BANK1: variants seen among roughly 807,000 people sequenced by gnomAD.
BANK1 encodes the protein B-cell scaffold protein with ankyrin repeats.
In BANK1, 95 loss-of-function variants were observed where a neutral mutation model predicts 94.5. That is an observed-to-expected ratio of 1.00 (90% CI 0.85 to 1.19). The LOEUF (loss-of-function observed/expected upper bound fraction) is 1.19. BANK1 is among the 50% of genes most tolerant of loss of function. BANK1 has a pLI of 0.00. For synonymous variants in BANK1, 334 were observed against 308.4 expected (o/e 1.08, Z -0.87); for missense variants, 987 against 932.2 (o/e 1.06, Z -0.77).
intron 7 of BANK1, among the ~76,000 whole-genome samples, chr4:101,951,850 AC>A: frequency 7.0e-6 from 1 of 143,678 alleles, no homozygotes; most frequent in Non-Finnish European, 1.6e-5. Flanking sequence ...TGTACTCAGA[AC>A]CCATTTAGAT....
At chr4:101,815,328 T>C (rs1227412441) in intron 1 of BANK1, among the ~76,000 whole-genome samples, 1 of 152,150 alleles carries the variant, frequency 6.6e-6, no homozygotes, top group Non-Finnish European at 1.5e-5. Context: ...ATCTTTTATA[T>C]GGATGTAATA....
At chr4:102,027,842 G>A (rs1045817050) in intron 9 of BANK1, among the ~76,000 whole-genome samples, 5 of 152,100 alleles carry the variant, frequency 3.3e-5, no homozygotes, top group Admixed American at 6.5e-5. Context: ...AGTAATTATC[G>A]GATCCCTCCT....
Position 101,862,625 on chromosome 4 carries a change from G to A in BANK1, c.724G>A (p.Ala242Thr), listed in dbSNP as rs1455450988. ...TAATAAGCGCATTAGAACACGGCCA[G>A]CCCTTTGGAATAAGAAAGTCTGGTG... is the stretch of plus-strand genomic sequence containing the variant. Reference protein sequence around the residue: ...SSNKRIRTRPALWNKKVWCMK... With the variant: ...SSNKRIRTRPTLWNKKVWCMK... The change falls in exon 4 of 17, where the codon GCC becomes ACC. Residue 242 changes from alanine (A) to threonine (T), a missense_variant. Coordinates refer to ENST00000322953, the MANE Select transcript of BANK1 (RefSeq NM_017935.5). The A allele has an allele frequency of 6.2e-7, 1 of 1,609,488 alleles. No homozygotes were observed. The highest frequency in any genetic ancestry group is 8.5e-7 in the Non-Finnish European group (1 of 1,178,004).
At chr4:101,805,804 G>A (rs1255146643) in intron 1 of BANK1, among the ~76,000 whole-genome samples, 1 of 151,512 alleles carries the variant, frequency 6.6e-6, no homozygotes, top group Non-Finnish European at 1.5e-5. Flanking sequence ...TTTGGTTTGT[G>A]GAAGAGCTTC....
intron 7 of BANK1, among the ~76,000 whole-genome samples, chr4:101,972,090 A>G (rs1015134819): frequency 5.3e-5 from 8 of 152,180 alleles, no homozygotes; most frequent in African/African-American, 1.9e-4. Context: ...ACATTTTAAC[A>G]ATATTAATTA....
At chr4:101,953,895 T>C (rs556331740) in intron 7 of BANK1, among the ~76,000 whole-genome samples, 1 of 152,168 alleles carries the variant, frequency 6.6e-6, no homozygotes, top group Non-Finnish European at 1.5e-5. Flanking sequence ...ATTTGTTTTC[T>C]AGGGCTGTTG....
chr4:102,023,126 C>T (rs914110177), intron 8 of BANK1, among the ~76,000 whole-genome samples: 3 of 152,024 alleles, frequency 2.0e-5, no homozygotes, highest in African/African-American at 7.2e-5. Context: ...TGATTGTATC[C>T]CCAGTACCTG....
chr4:101,817,662 A>G (rs563338561), intron 1 of BANK1, among the ~76,000 whole-genome samples: 18 of 151,982 alleles, frequency 1.2e-4, no homozygotes, highest in Admixed American at 3.9e-4. Context: ...AAACCTGCAC[A>G]TCTCGCACAC....
At chr4:101,965,527 T>C (rs561615380) in intron 7 of BANK1, among the ~76,000 whole-genome samples, 135 of 152,218 alleles carry the variant, frequency 8.9e-4, no homozygotes, top group Non-Finnish European at 1.5e-3. Context: ...GTTTTATTTC[T>C]CGTAACCTTT....
At chr4:102,002,448 G>A (rs1726109204) in intron 7 of BANK1, among the ~76,000 whole-genome samples, 1 of 151,730 alleles carries the variant, frequency 6.6e-6, no homozygotes, top group Admixed American at 6.6e-5. Flanking sequence ...ATAGTGCAGT[G>A]CCTACTACAT....
chr4:101,886,860 T>G (rs1264412288), intron 5 of BANK1, among the ~76,000 whole-genome samples: 1 of 152,160 alleles, frequency 6.6e-6, no homozygotes, highest in East Asian at 1.9e-4. Context: ...TTTACATAAA[T>G]TATGATGTTC....
chr4:101,889,691 T>C (rs1721778651), intron 5 of BANK1, among the ~76,000 whole-genome samples: 1 of 151,774 alleles, frequency 6.6e-6, no homozygotes. Flanking sequence ...AGTTCAGCTG[T>C]TATACTTTTT....
At chr4:101,980,595 A>G (rs1725295946) in intron 7 of BANK1, among the ~76,000 whole-genome samples, 1 of 151,870 alleles carries the variant, frequency 6.6e-6, no homozygotes, top group Non-Finnish European at 1.5e-5. Flanking sequence ...TTGACATTCA[A>G]ACTTTAGAAA....
chr4:102,018,819 C>CTTTTTTTT (rs200697538), intron 7 of BANK1, among the ~76,000 whole-genome samples: 5 of 141,092 alleles, frequency 3.5e-5, no homozygotes, highest in South Asian at 2.2e-4. Flanking sequence ...TTCTTTCTTT[C>CTTTTTTTT]CTTTTTTTTT....
chr4:101,837,867 T>C (rs1578347092), intron 2 of BANK1, among the ~76,000 whole-genome samples: 1 of 152,082 alleles, frequency 6.6e-6, no homozygotes. Context: ...TATACGACTC[T>C]GGATAGCTTT....
At chr4:101,838,595 C>A (rs570008994) in intron 2 of BANK1, among the ~76,000 whole-genome samples, 13 of 152,084 alleles carry the variant, frequency 8.5e-5, no homozygotes, top group Admixed American at 2.0e-4. Flanking sequence ...TGTACAGAGC[C>A]CAGGAAAAAA....
At chr4:101,829,434 T>C (rs1371261375) in intron 1 of BANK1, among the ~76,000 whole-genome samples, 1 of 151,996 alleles carries the variant, frequency 6.6e-6, no homozygotes, top group Non-Finnish European at 1.5e-5. Context: ...TGTTTTTTTT[T>C]GATTTACTAT....
rs896191065 is a variant in BANK1 at position 102,002,218 on chromosome 4, A to G, written c.1207-19296A>G. Among the ~76,000 whole-genome samples the G allele has an allele frequency of 6.6e-5, 10 of 152,258 alleles. No individual in the cohort carries two copies. In the South Asian group the frequency reaches 1.5e-3, roughly 22 times the overall value. ...TCAGCACTTTACCTCTTTCACACGT[A>G]TGATCTTATTGGATGTGACACATAG... On this transcript the variant is annotated intron_variant, in intron 7 of 16. Coordinates refer to ENST00000322953, the MANE Select transcript of BANK1 (RefSeq NM_017935.5).
At chr4:101,906,538 G>A (rs1029585122) in intron 6 of BANK1, among the ~76,000 whole-genome samples, 9 of 152,184 alleles carry the variant, frequency 5.9e-5, no homozygotes, top group African/African-American at 2.2e-4. Flanking sequence ...TAAGGAGGGG[G>A]TGCAGAAGGG....
Sources: allele counts gnomAD v4.1 joint callset (sites outside exome capture counted in the v4.1 genomes callset), GRCh38; gene constraint gnomAD v4.1.1; transcripts MANE v1.5; gene names NCBI Gene and HGNC (gene_info 2026-07-23, HGNC 2026-07-21).